EIPR1: variants seen among roughly 807,000 people sequenced by gnomAD.
EIPR1 encodes the protein EARP and GARP complex-interacting protein 1.
In EIPR1, 25 loss-of-function variants were observed where a neutral mutation model predicts 48.1. That is an observed-to-expected ratio of 0.52 (90% CI 0.38 to 0.73). EIPR1 has a LOEUF of 0.73. Among genes scored for constraint, EIPR1 ranks in the 30% least tolerant of loss-of-function variants. EIPR1 has a pLI of 0.00. For synonymous variants in EIPR1, 204 were observed against 201.9 expected (o/e 1.01, Z -0.09); for missense variants, 415 against 506.2 (o/e 0.82, Z 1.73).
intron 8 of EIPR1, among the ~76,000 whole-genome samples, chr2:3,190,248 C>T (rs1183436928): frequency 2.0e-5 from 3 of 152,222 alleles, no homozygotes; most frequent in Admixed American, 1.3e-4. Context: ...GGCCACTTTC[C>T]GGTGGACACA....
chr2:3,299,193 G>C (rs1668687415), intron 3 of EIPR1, among the ~76,000 whole-genome samples: 1 of 152,246 alleles, frequency 6.6e-6, no homozygotes, highest in Non-Finnish European at 1.5e-5. Context: ...GAATGTCGCT[G>C]TGTCTGTCTC....
intron 3 of EIPR1, among the ~76,000 whole-genome samples, chr2:3,327,290 TCTC>T (rs1243961129): frequency 1.3e-5 from 2 of 152,100 alleles, no homozygotes; most frequent in African/African-American, 4.8e-5. Flanking sequence ...GTCAAGCGAT[TCTC>T]CTGCCTCAGC....
At position 3,370,557 on chromosome 2, in the gene EIPR1, C is replaced by A. The variant is rs555268668; in HGVS notation, c.42+7091G>T. Among the ~76,000 whole-genome samples, 24 of 152,212 alleles carry A rather than the reference C, an allele frequency of 1.6e-4. 1 individual carries two copies. In the East Asian group the frequency reaches 4.2e-3, roughly 27 times the overall value. ...GAAGTGCTTAAAGGAGCTGATGGAGCTGAAAGCCAAGGCTCGAGAACTATG... is the reference window on the plus strand; with the variant it reads ...GAAGTGCTTAAAGGAGCTGATGGAGATGAAAGCCAAGGCTCGAGAACTATG... On this transcript the variant is annotated intron_variant, in intron 1 of 8. Coordinates refer to ENST00000382125, the MANE Select transcript of EIPR1 (RefSeq NM_003310.5).
chr2:3,377,695 G>C lies in EIPR1; in HGVS notation c.-6C>G. 6.3e-7 allele frequency: 1 copy of C among 1,578,168 alleles called. No individual in the cohort carries two copies. Among genetic ancestry groups the C allele is most frequent in the Admixed American group, 1.8e-5 (1 of 55,390 alleles). ...ACTGGTGCATCGTCCTCCATGCTGC[G>C]GGGAAGCGACCCGACCCCGGCCACT... On this transcript the variant is annotated 5_prime_UTR_variant, in exon 1 of 9. Transcript: ENST00000382125.
At chr2:3,282,223 C>T (rs1189498973) in intron 3 of EIPR1, among the ~76,000 whole-genome samples, 1 of 152,226 alleles carries the variant, frequency 6.6e-6, no homozygotes, top group Non-Finnish European at 1.5e-5. Context: ...CCCGGGCCAC[C>T]GTCAGGTGGG....
At chr2:3,203,489 C>T (rs891731237) in intron 5 of EIPR1, among the ~76,000 whole-genome samples, 5 of 152,200 alleles carry the variant, frequency 3.3e-5, no homozygotes, top group African/African-American at 1.2e-4. Flanking sequence ...GCCAGGAGGC[C>T]GGGACAGCAC....
intron 3 of EIPR1, among the ~76,000 whole-genome samples, chr2:3,279,791 C>T (rs768514215): frequency 1.3e-5 from 2 of 152,206 alleles, no homozygotes; most frequent in African/African-American, 2.4e-5. Context: ...CACCATGATG[C>T]GAAGTTACAC....
At chr2:3,279,757 G>C (rs764917397) in intron 3 of EIPR1, among the ~76,000 whole-genome samples, 4 of 152,210 alleles carry the variant, frequency 2.6e-5, no homozygotes, top group South Asian at 2.1e-4. Flanking sequence ...CTGACCTGAC[G>C]CGCAGAGCTG....
intron 3 of EIPR1, among the ~76,000 whole-genome samples, chr2:3,269,503 T>TCAATCATCGCACC (rs1255244257): frequency 1.4e-5 from 2 of 138,136 alleles, no homozygotes; most frequent in Non-Finnish European, 3.1e-5. Context: ...ATCATCGCAC[T>TCAATCATCGCACC]CAATCATCAT....
chr2:3,256,108 G>A (rs1023667887), intron 4 of EIPR1, among the ~76,000 whole-genome samples: 1 of 152,140 alleles, frequency 6.6e-6, no homozygotes, highest in African/African-American at 2.4e-5. Flanking sequence ...ATCCACCGAC[G>A]TGGTAGAAGC....
chr2:3,301,293 C>A (rs2103293815), intron 3 of EIPR1: 1 of 152,332 alleles, frequency 6.6e-6, no homozygotes, highest in East Asian at 1.9e-4. Context: ...CTTTCTGACC[C>A]CTTCACAACA....
rs372762859 is a variant in EIPR1, at chr2:3,217,323, G to A, written c.417-3075C>T. On this transcript the variant is annotated intron_variant, in intron 4 of 8. Transcript: ENST00000382125. ...GTGTAAGGAGCTGTTCTTAGTCACC[G>A]CCAAGAATCACTGGGGTTTACCCGC... Among the ~76,000 whole-genome samples, 36 of 152,262 alleles carry A rather than the reference G, an allele frequency of 2.4e-4. No homozygotes were observed. In the East Asian group the frequency reaches 3.5e-3, roughly 15 times the overall value.
chr2:3,196,926 G>A lies in EIPR1; in HGVS notation c.608C>T (p.Thr203Ile), dbSNP rs564512355. ...GCCACGGAGGGTGGTGTCGTTCGCT[G>A]TGGCCACCTGGGTGCAGTTATGATG... ...SPHHNCTQVA[T>I]ANDTTLRGWD... Residue 203 changes from threonine (T) to isoleucine (I), a missense_variant, in exon 6 of 9, where the codon ACA becomes ATA. Physicochemically the swap from Thr to Ile is moderately conservative, Grantham distance 89. Coordinates refer to ENST00000382125, the MANE Select transcript of EIPR1 (RefSeq NM_003310.5). The A allele has an allele frequency of 6.2e-7, 1 of 1,613,962 alleles. No homozygotes were observed. The highest frequency in any genetic ancestry group is 1.1e-5 in the South Asian group (1 of 91,088).
chr2:3,347,892 T>C (rs1161593018), intron 2 of EIPR1, among the ~76,000 whole-genome samples: 5 of 152,158 alleles, frequency 3.3e-5, no homozygotes, highest in Non-Finnish European at 7.3e-5. Flanking sequence ...CCTGTGATGC[T>C]TCAGTGGGCA....
chr2:3,288,100 C>T (rs552171208), intron 3 of EIPR1, among the ~76,000 whole-genome samples: 128 of 152,280 alleles, frequency 8.4e-4, no homozygotes, highest in Admixed American at 1.2e-3. Context: ...CATCCTGATG[C>T]GGTGGCGTCA....
chr2:3,193,841 T>A (rs750330655), intron 7 of EIPR1, among the ~76,000 whole-genome samples, 158 bp downstream of exon 7: 6 of 152,212 alleles, frequency 3.9e-5, no homozygotes, highest in Non-Finnish European at 8.8e-5. Context: ...ACATTCAGAT[T>A]TGGAATTAGT....
chr2:3,210,485 C>T (rs1215222478), intron 5 of EIPR1, among the ~76,000 whole-genome samples: 1 of 152,148 alleles, frequency 6.6e-6, no homozygotes, highest in Non-Finnish European at 1.5e-5. Flanking sequence ...CTGAACACCC[C>T]CACGACAATC....
chr2:3,227,600 C>G (rs1411874260), intron 4 of EIPR1, among the ~76,000 whole-genome samples: 1 of 152,192 alleles, frequency 6.6e-6, no homozygotes, highest in Non-Finnish European at 1.5e-5. Context: ...AACAAGAAGT[C>G]GAATGTTAAT....
chr2:3,248,302 G>A (rs1666899463), intron 4 of EIPR1, among the ~76,000 whole-genome samples: 1 of 152,132 alleles, frequency 6.6e-6, no homozygotes, highest in South Asian at 2.1e-4. Flanking sequence ...ACAAAAACTA[G>A]CCGGGCATGA....
Sources: allele counts gnomAD v4.1 joint callset (sites outside exome capture counted in the v4.1 genomes callset), GRCh38; gene constraint gnomAD v4.1.1; transcripts MANE v1.5; gene names NCBI Gene and HGNC (gene_info 2026-07-23, HGNC 2026-07-21).